The following MOCS2 variants were observed in gnomAD, a reference collection of about 807,000 sequenced individuals.
MOCS2 encodes molybdopterin synthase catalytic subunit.
MOCS2 carries 13 observed loss-of-function variants against 21.9 expected under a neutral mutation model. The observed-to-expected ratio is 0.59, with a 90% CI of 0.39 to 0.94. The LOEUF (loss-of-function observed/expected upper bound fraction) is 0.94. Among genes scored for constraint, MOCS2 ranks in the 40% least tolerant of loss-of-function variants. The probability of loss-of-function intolerance (pLI) is 0.00; values close to 1 mark genes in which losing one functional copy is unlikely to be tolerated. For synonymous variants in MOCS2, 92 were observed against 80.8 expected (o/e 1.14, Z -0.74); for missense variants, 227 against 218.3 (o/e 1.04, Z -0.25).
chr5:53,104,749 T>C (rs1342159940), intron 3 of MOCS2, among the ~76,000 whole-genome samples: 1 of 152,194 alleles, frequency 6.6e-6, no homozygotes, highest in Non-Finnish European at 1.5e-5. Context: ...AAAGGCATCC[T>C]TGGCTTGCTC....
intron 5 of MOCS2, 136 bp from the exon 6 acceptor site, chr5:53,100,670 C>T (rs3816326): frequency 0.035 from 31,834 of 911,300 alleles, 676 homozygotes; most frequent in East Asian, 0.085. Flanking sequence ...CGTAAACATA[C>T]AGTTAGAAAA....
chr5:53,108,695 G>A (rs892294669), intron 1 of MOCS2, 52 bp from the exon 2 acceptor site: 22 of 1,572,974 alleles, frequency 1.4e-5, no homozygotes, highest in Non-Finnish European at 1.8e-5. Flanking sequence ...TTTTCTGACT[G>A]TCAATGTTGA....
chr5:53,098,688 A>C, intron 6 of MOCS2, 21 bp from the exon 7 acceptor site: 1 of 1,559,932 alleles, frequency 6.4e-7, no homozygotes, highest in Non-Finnish European at 8.8e-7. Flanking sequence ...AAATCATAAC[A>C]GGTATTAAAA....
intron 6 of MOCS2, among the ~76,000 whole-genome samples, chr5:53,099,037 C>T (rs1390366972): frequency 6.6e-6 from 1 of 152,152 alleles, no homozygotes; most frequent in Non-Finnish European, 1.5e-5. Context: ...TGCCACCCTT[C>T]CCTATATCAC....
chr5:53,099,640 C>T (rs1047796442), intron 6 of MOCS2, among the ~76,000 whole-genome samples: 3 of 152,202 alleles, frequency 2.0e-5, no homozygotes. Flanking sequence ...CTTATTTCTA[C>T]CACTGACTGA....
intron 3 of MOCS2, 41 bp from the exon 4 acceptor site, chr5:53,102,265 G>A (rs572521736): frequency 1.3e-6 from 2 of 1,589,340 alleles, no homozygotes; most frequent in Non-Finnish European, 1.7e-6. Flanking sequence ...GAAGTCCTAG[G>A]GGTAAAACAC....
At chr5:53,099,347 C>T (rs1033193808) in intron 6 of MOCS2, among the ~76,000 whole-genome samples, 1 of 152,208 alleles carries the variant, frequency 6.6e-6, no homozygotes, top group African/African-American at 2.4e-5. Flanking sequence ...TACTTTCTGT[C>T]CACTGACTGT....
rs1336878708 is a variant in MOCS2, at chr5:53,108,561, G to A, written c.-87C>T. 6 of 1,613,474 alleles carry A rather than the reference G, an allele frequency of 3.7e-6. No homozygotes were observed. Among genetic ancestry groups the A allele is most frequent in the South Asian group, 1.1e-5 (1 of 91,018 alleles). The stretch of plus-strand genomic sequence containing the variant: ...TTCTATCTCCTTCCACAGCTGCAAC[G>A]CTTTTATTTCTTGAGGCACAGAAAT... On this transcript the variant is annotated 5_prime_UTR_variant, in exon 2 of 7. Coordinates refer to ENST00000396954, the MANE Select transcript of MOCS2 (RefSeq NM_004531.5).
At chr5:53,101,307 A>G (rs763061422) in intron 5 of MOCS2, 52 bp downstream of exon 5, 33 of 1,535,984 alleles carry the variant, frequency 2.1e-5, no homozygotes, top group Non-Finnish European at 3.0e-5. Flanking sequence ...GAGTTAGTAC[A>G]AAGATGGAAA....
chr5:53,099,095 C>T (rs775503912), intron 6 of MOCS2, among the ~76,000 whole-genome samples: 4 of 152,142 alleles, frequency 2.6e-5, no homozygotes, highest in Non-Finnish European at 5.9e-5. Flanking sequence ...CTAGAAGTTA[C>T]ATAGTTTGTG....
intron 6 of MOCS2, 98 bp downstream of exon 6, chr5:53,100,313 A>G: frequency 7.5e-7 from 1 of 1,325,158 alleles, no homozygotes; most frequent in Non-Finnish European, 1.1e-6. Flanking sequence ...ACAAGATACT[A>G]CAGTCAGTAA....
Position 53,096,700 on chromosome 5 carries a change from C to G in MOCS2, c.*1902G>C, listed in dbSNP as rs572455290. On this transcript the variant is annotated 3_prime_UTR_variant, in exon 7 of 7. Transcript: ENST00000396954. ...CAAGGCCATTCCATCCCAGTTCTGGCATGCCCCAGGTTAACTCCTTAACCT... is the reference window on the plus strand; with the variant it reads ...CAAGGCCATTCCATCCCAGTTCTGGGATGCCCCAGGTTAACTCCTTAACCT... 1 of 152,236 alleles carries G rather than the reference C, an allele frequency of 6.6e-6. No individual in the cohort carries two copies. The highest frequency in any genetic ancestry group is 1.5e-5 in the Non-Finnish European group (1 of 68,052). The allele number at this position is 152,236 out of a possible 1,614,324, so 9.4% of individuals were successfully genotyped here.
At chr5:53,102,620 G>C (rs533043917) in intron 3 of MOCS2, among the ~76,000 whole-genome samples, 1 of 139,560 alleles carries the variant, frequency 7.2e-6, no homozygotes, top group South Asian at 2.2e-4. Context: ...TGGACTTTAT[G>C]GTTTCTTAGC....
At chr5:53,098,734 T>C in intron 6 of MOCS2, 67 bp from the exon 7 acceptor site, 1 of 1,126,846 alleles carries the variant, frequency 8.9e-7, no homozygotes, top group Non-Finnish European at 1.3e-6. Context: ...AAAATATATT[T>C]GAATAAATCA....
rs780076178 is a variant in MOCS2, at chr5:53,101,478, T to A, written c.258A>T (p.Lys86Asn). The A allele has an allele frequency of 1.2e-6, 2 of 1,608,454 alleles. No homozygotes were observed. The highest frequency in any genetic ancestry group is 2.7e-5 in the African/African-American group (2 of 74,876). Residue 86 changes from lysine (K) to asparagine (N), a missense_variant, in exon 5 of 7, where the codon AAA (lysine) becomes AAT (asparagine). Coordinates refer to ENST00000396954, the MANE Select transcript of MOCS2 (RefSeq NM_004531.5). Reference protein sequence around the residue: ...GTTRNNFEGKKVISLEYEAYL... With the variant: ...GTTRNNFEGKNVISLEYEAYL... The stretch of plus-strand genomic sequence containing the variant: ...ATGCTTCATATTCTAAGCTAATGAC[T>A]TTTTTCCCTTCAAAGTTATTTCTTG...
intron 2 of MOCS2, chr5:53,107,551 C>CT: frequency 3.3e-6 from 1 of 300,440 alleles, no homozygotes; most frequent in Non-Finnish European, 6.3e-6. Flanking sequence ...AGTACATGGC[C>CT]TTTCCAGGGT....
chr5:53,100,160 T>C (rs546255849), intron 6 of MOCS2, among the ~76,000 whole-genome samples: 2 of 152,336 alleles, frequency 1.3e-5, no homozygotes, highest in East Asian at 1.9e-4. Context: ...AATAACTTCA[T>C]GTATGAACCC....
chr5:53,101,288 C>A (rs1441166567), intron 5 of MOCS2, 71 bp downstream of exon 5: 2 of 1,442,204 alleles, frequency 1.4e-6, no homozygotes, highest in African/African-American at 1.4e-5. Flanking sequence ...AAGAAAGATT[C>A]AAGAATCAGA....
chr5:53,108,509 A>G lies in MOCS2; in HGVS notation c.-48+13T>C. Reference sequence around the variant, plus strand: ...AAGTGTTACTCATATGCATTCTACAAATTTTTAACTACCCAGGATGTCGAG... The same window carrying G: ...AAGTGTTACTCATATGCATTCTACAGATTTTTAACTACCCAGGATGTCGAG... On this transcript the variant is annotated intron_variant, in intron 2 of 6. Transcript: ENST00000396954. The G allele has an allele frequency of 6.2e-7, 1 of 1,610,864 alleles. No individual in the cohort carries two copies. Among genetic ancestry groups the G allele is most frequent in the Non-Finnish European group, 8.5e-7 (1 of 1,178,622 alleles).
Sources: gnomAD v4.1 joint callset for allele counts (sites outside exome capture counted in the v4.1 genomes callset) on GRCh38, gnomAD v4.1.1 for gene constraint, MANE v1.5 for transcripts, NCBI Gene and HGNC (gene_info 2026-07-23, HGNC 2026-07-21) for gene names.